ERBB4: variants seen among roughly 807,000 people sequenced by gnomAD.
ERBB4 encodes erb-b2 receptor tyrosine kinase 4.
Under a neutral mutation model 158.0 loss-of-function variants are expected in ERBB4, and 42 were observed. The ratio of observed to expected loss-of-function variants is 0.27; its 90% confidence interval spans 0.21 to 0.34. The LOEUF (loss-of-function observed/expected upper bound fraction) is 0.34, where lower values mean the gene tolerates loss of function less well. ERBB4 is among the 10% of genes least tolerant of loss of function. The pLI, the probability that ERBB4 is intolerant of heterozygous loss-of-function variation, is 1.00. For synonymous variants in ERBB4, 583 were observed against 558.7 expected, an observed-to-expected ratio of 1.04 and a Z score of -0.61; for missense variants, 1,333 against 1,624.1, an observed-to-expected ratio of 0.82 and a Z score of 3.08.
intron 20 of ERBB4, among the ~76,000 whole-genome samples, chr2:211,546,405 A>G (rs1368497047): frequency 1.3e-5 from 2 of 152,126 alleles, no homozygotes; most frequent in Non-Finnish European, 2.9e-5. Flanking sequence ...AATAAGAATT[A>G]CCCTAAATTT....
At chr2:211,668,006 A>G (rs1048795211) in intron 14 of ERBB4, among the ~76,000 whole-genome samples, 1 of 152,198 alleles carries the variant, frequency 6.6e-6, no homozygotes, top group Non-Finnish European at 1.5e-5. Flanking sequence ...TACCTACACA[A>G]ACCTGTATGG....
intron 15 of ERBB4, among the ~76,000 whole-genome samples, chr2:211,662,304 A>G (rs1047560071): frequency 1.3e-5 from 2 of 152,046 alleles, no homozygotes; most frequent in Non-Finnish European, 2.9e-5. Context: ...CCTCCCCACA[A>G]TTTAATTACA....
intron 3 of ERBB4, among the ~76,000 whole-genome samples, chr2:211,884,082 C>T (rs1360182764): frequency 2.0e-5 from 3 of 152,104 alleles, no homozygotes; most frequent in Non-Finnish European, 2.9e-5. Context: ...CATAATTGCT[C>T]CATGTTAGAG....
chr2:211,827,789 T>C (rs1479238454), intron 3 of ERBB4, among the ~76,000 whole-genome samples: 3 of 152,092 alleles, frequency 2.0e-5, no homozygotes, highest in Non-Finnish European at 2.9e-5. Flanking sequence ...TGCAGTTTCT[T>C]CATTTGCACA....
rs2062579610 is a variant in ERBB4, at chr2:211,381,928, G to C, written c.*1687C>G. 4.4e-6 allele frequency: 1 copy of C among 229,478 alleles called. No homozygotes were observed. The highest frequency in any genetic ancestry group is 1.8e-4 in the South Asian group (1 of 5,500). The allele number at this position is 229,478 out of a possible 1,614,324, so 14.2% of individuals were successfully genotyped here. A position where few individuals can be genotyped will look rare whatever the true frequency, so the allele number is the denominator to read the frequency against. ...TATTGATGTGAGGCCCCCTTTACTT[G>C]GAGACTCATCTCTGTCATTTGTTCT... is the stretch of plus-strand genomic sequence containing the variant. On this transcript the variant is annotated 3_prime_UTR_variant, in exon 28 of 28. Transcript: ENST00000342788.
chr2:212,023,360 G>A (rs181615858), intron 2 of ERBB4, among the ~76,000 whole-genome samples: 468 of 152,064 alleles, frequency 3.1e-3, no homozygotes, highest in Non-Finnish European at 5.2e-3. Context: ...GGTATTACAT[G>A]TTCTCTCTCA....
chr2:211,977,252 T>G (rs1489308854), intron 2 of ERBB4, among the ~76,000 whole-genome samples: 1 of 152,030 alleles, frequency 6.6e-6, no homozygotes, highest in Non-Finnish European at 1.5e-5. Context: ...CAGAGTTAAG[T>G]TGGAAGTCTT....
At position 212,260,070 on chromosome 2, in the gene ERBB4, GA is replaced by G. The variant is rs750606432; in HGVS notation, c.83-135168del. Among the ~76,000 whole-genome samples the G allele has an allele frequency of 1.8e-3, 103 of 56,934 alleles. No homozygotes were observed. In the South Asian group the frequency reaches 0.03, roughly 17 times the overall value. 37.4% of individuals were successfully genotyped at this position (56,934 alleles called of 152,430 possible). A position where few individuals can be genotyped will look rare whatever the true frequency, so the allele number is the denominator to read the frequency against. The stretch of plus-strand genomic sequence containing the variant: ...AGTGACAGAGCGAGACTCTGTCTCA[GA>G]AAAAAAAAAAAAAAGAAAAGAAAAG... On this transcript the variant is annotated intron_variant, in intron 1 of 27. Transcript: ENST00000342788.
chr2:211,692,918 A>G (rs559469237), intron 12 of ERBB4, among the ~76,000 whole-genome samples: 1 of 152,302 alleles, frequency 6.6e-6, no homozygotes, highest in East Asian at 1.9e-4. Flanking sequence ...GTAAAGTGTA[A>G]TGACATTATA....
At chr2:212,406,367 T>C (rs1276340983) in intron 1 of ERBB4, among the ~76,000 whole-genome samples, 1 of 152,138 alleles carries the variant, frequency 6.6e-6, no homozygotes, top group African/African-American at 2.4e-5. Context: ...TTTGGACAGA[T>C]AATATGACCA....
intron 1 of ERBB4, among the ~76,000 whole-genome samples, chr2:212,231,928 C>T (rs79305957): frequency 0.11 from 17,197 of 152,178 alleles, 1,276 homozygotes; most frequent in South Asian, 0.36. Flanking sequence ...TAATTTTCTT[C>T]ATTTAATCTG....
chr2:211,505,680 G>A (rs1321976235), intron 20 of ERBB4, among the ~76,000 whole-genome samples: 1 of 152,126 alleles, frequency 6.6e-6, no homozygotes, highest in Non-Finnish European at 1.5e-5. Flanking sequence ...ATAGACAGGG[G>A]CTGGGCATGG....
At chr2:211,659,985 G>A (rs2071358221) in intron 15 of ERBB4, among the ~76,000 whole-genome samples, 1 of 152,138 alleles carries the variant, frequency 6.6e-6, no homozygotes, top group African/African-American at 2.4e-5. Flanking sequence ...TGCAAACTGG[G>A]GTTGGGGTGG....
Position 211,920,060 on chromosome 2 carries a change from T to C in ERBB4, c.421+27370A>G, listed in dbSNP as rs79104863. ...TGTTTTAAGCTTGGTTCTAAATTAA[T>C]GTACTGTGGTAAAAAACAAAAATCT... On this transcript the variant is annotated intron_variant, in intron 3 of 27. Transcript: ENST00000342788. Among the ~76,000 whole-genome samples the C allele has an allele frequency of 5.5e-4, 83 of 152,084 alleles. 1 individual carries two copies. The highest frequency in any genetic ancestry group is 1.4e-3 in the African/African-American group (60 of 41,568).
At position 212,428,518 on chromosome 2, in the gene ERBB4, G is replaced by A. The variant is rs1285595525; in HGVS notation, c.82+109931C>T. ...ATGATAGTTGTCCAGGACTGGAGAG[G>A]AGAAAATGGGAAATGGCTAATCAAT... On this transcript the variant is annotated intron_variant, in intron 1 of 27. Transcript: ENST00000342788. Among the ~76,000 whole-genome samples the A allele has an allele frequency of 2.0e-5, 3 of 152,032 alleles. No individual in the cohort carries two copies. The East Asian group carries it at 5.8e-4, about 29-fold the overall frequency.
intron 20 of ERBB4, among the ~76,000 whole-genome samples, chr2:211,482,743 T>C (rs2065116009): frequency 6.6e-6 from 1 of 152,016 alleles, no homozygotes; most frequent in African/African-American, 2.4e-5. Context: ...CTGTCTCTAC[T>C]AAAAATACAA....
chr2:212,446,637 A>C (rs759508144), intron 1 of ERBB4, among the ~76,000 whole-genome samples: 41 of 99,342 alleles, frequency 4.1e-4, no homozygotes, highest in African/African-American at 9.8e-4. Flanking sequence ...ATATATATAT[A>C]TCCTATTAGT....
intron 1 of ERBB4, among the ~76,000 whole-genome samples, chr2:212,280,848 C>T (rs1226546882): frequency 1.3e-5 from 2 of 151,596 alleles, no homozygotes; most frequent in Non-Finnish European, 3.0e-5. Flanking sequence ...TGTTCTCACT[C>T]AAAGCTCTCA....
chr2:212,310,196 A>G (rs2086977481), intron 1 of ERBB4, among the ~76,000 whole-genome samples: 1 of 150,740 alleles, frequency 6.6e-6, no homozygotes, highest in African/African-American at 2.4e-5. Flanking sequence ...CCATGTTATA[A>G]CTATAATTAT....
Sources: gnomAD v4.1 joint callset for allele counts (sites outside exome capture counted in the v4.1 genomes callset) on GRCh38, gnomAD v4.1.1 for gene constraint, MANE v1.5 for transcripts, NCBI Gene and HGNC (gene_info 2026-07-23, HGNC 2026-07-21) for gene names.